The following CPZ variants were observed in gnomAD, a reference collection of about 807,000 sequenced individuals.
The protein encoded by CPZ is carboxypeptidase Z.
CPZ carries 103 observed loss-of-function variants against 61.8 expected under a neutral mutation model. The observed-to-expected ratio is 1.67, with a 90% CI of 1.42 to 1.96. The LOEUF (loss-of-function observed/expected upper bound fraction) is 1.96, where lower values mean the gene tolerates loss of function less well. Among genes scored for constraint, CPZ ranks in the 30% most tolerant of loss-of-function variants. The probability of loss-of-function intolerance (pLI) is 0.00; values close to 1 mark genes in which losing one functional copy is unlikely to be tolerated. For synonymous variants in CPZ, 551 were observed against 373.7 expected (o/e 1.47, Z -5.47); for missense variants, 1,461 against 914.9 (o/e 1.60, Z -7.70).
chr4:8,606,925 T>TC, intron 6 of CPZ, 27 bp downstream of exon 6: 1 of 1,569,820 alleles, frequency 6.4e-7, no homozygotes, highest in Non-Finnish European at 8.6e-7. Flanking sequence ...CCCATGCTGG[T>TC]CTCCACCAAG....
Position 8,619,527 on chromosome 4 carries a change from G to A in CPZ, c.1869G>A (p.Arg623=). The A allele has an allele frequency of 6.3e-7, 1 of 1,585,958 alleles. No homozygotes were observed. Among genetic ancestry groups the A allele is most frequent in the Middle Eastern group, 1.7e-4 (1 of 5,868 alleles). Residue 623 remains arginine (R), a synonymous_variant, in exon 11 of 11, where the codon AGG becomes AGA. Coordinates refer to ENST00000360986, the MANE Select transcript of CPZ (RefSeq NM_001014447.3). The stretch of plus-strand genomic sequence containing the variant: ...AGCCCGACCCGCTCCGGGCGCGCAG[G>A]CAGCCCTCGGCCGACGGGAGTAAGC... ...ATEPDPLRAR[R]QPSADGSKPW... is the part of the protein sequence containing the mutation.
chr4:8,608,782 C>T (rs979006763), intron 7 of CPZ, among the ~76,000 whole-genome samples: 20 of 152,124 alleles, frequency 1.3e-4, no homozygotes, highest in African/African-American at 4.8e-4. Flanking sequence ...TTTCCAGCTG[C>T]AGGGCAGGGA....
At chr4:8,609,028 T>TTCACTTACCCATTCAC (rs1560297579) in intron 7 of CPZ, among the ~76,000 whole-genome samples, 2 of 106,576 alleles carry the variant, frequency 1.9e-5, no homozygotes, top group African/African-American at 5.4e-5. Flanking sequence ...AACTCACTCC[T>TTCACTTACCCATTCAC]TCACTCACCC....
At chr4:8,609,371 A>ATTCACTCACTCTTATTCT (rs1282809003) in intron 7 of CPZ, among the ~76,000 whole-genome samples, 3 of 151,630 alleles carry the variant, frequency 2.0e-5, no homozygotes, top group Non-Finnish European at 4.4e-5. Context: ...TCACAAACTC[A>ATTCACTCACTCTTATTCT]TTCACTCACT....
In CPZ at chr4:8,592,939, C is replaced by A; in HGVS notation, c.88+18C>A. ...CCCCGCCGGTAAGGCCGTCCCCTGCCCCCACCCTCCACCCTCCACCCTGCA... is the reference window on the plus strand; with the variant it reads ...CCCCGCCGGTAAGGCCGTCCCCTGCACCCACCCTCCACCCTCCACCCTGCA... On this transcript the variant is annotated intron_variant, in intron 1 of 10. Coordinates refer to ENST00000360986, the MANE Select transcript of CPZ (RefSeq NM_001014447.3). 1.3e-6 allele frequency: 2 copies of A among 1,515,320 alleles called. No homozygotes were observed. The highest frequency in any genetic ancestry group is 1.4e-5 in the African/African-American group (1 of 72,226). 93.9% of individuals were successfully genotyped at this position (1,515,320 alleles called of 1,614,324 possible).
At chr4:8,609,411 G>A (rs192338960) in intron 7 of CPZ, among the ~76,000 whole-genome samples, 8 of 146,472 alleles carry the variant, frequency 5.5e-5, no homozygotes, top group South Asian at 2.1e-4. Context: ...GTTTATTCCC[G>A]CACTCCTTCC....
At chr4:8,609,072 C>CGTACT (rs113012911) in intron 7 of CPZ, among the ~76,000 whole-genome samples, 1 of 112,338 alleles carries the variant, frequency 8.9e-6, no homozygotes, top group African/African-American at 3.3e-5. Flanking sequence ...CCCTCACTCA[C>CGTACT]CACTCATACA....
intron 7 of CPZ, 84 bp from the exon 8 acceptor site, chr4:8,611,943 C>A (rs530719909): frequency 2.5e-6 from 4 of 1,594,094 alleles, no homozygotes; most frequent in Non-Finnish European, 3.4e-6. Context: ...TGTTTGCACG[C>A]GCAGCTCCTC....
intron 2 of CPZ, among the ~76,000 whole-genome samples, chr4:8,600,649 G>A (rs141323794): frequency 1.3e-3 from 191 of 152,324 alleles, no homozygotes; most frequent in African/African-American, 4.5e-3. Context: ...CGGCTGAGCC[G>A]CATCTGTCAT....
At chr4:8,595,758 G>C (rs1025419521) in intron 1 of CPZ, among the ~76,000 whole-genome samples, 2 of 152,230 alleles carry the variant, frequency 1.3e-5, no homozygotes, top group African/African-American at 4.8e-5. Context: ...TGGAAACAAG[G>C]TCTTTGTGGA....
At chr4:8,619,126 A>G in intron 10 of CPZ, 136 bp from the exon 11 acceptor site, 2 of 703,196 alleles carry the variant, frequency 2.8e-6, no homozygotes, top group Admixed American at 3.1e-5. Flanking sequence ...AGGACGTTCC[A>G]GGCCCACACA....
At chr4:8,596,762 G>A (rs1714213055) in intron 1 of CPZ, among the ~76,000 whole-genome samples, 2 of 152,214 alleles carry the variant, frequency 1.3e-5, no homozygotes, top group South Asian at 4.1e-4. Flanking sequence ...GCCACAGGAA[G>A]CCAGGAAGGA....
At chr4:8,594,330 C>T (rs1714021816) in intron 1 of CPZ, among the ~76,000 whole-genome samples, 1 of 152,230 alleles carries the variant, frequency 6.6e-6, no homozygotes, top group Non-Finnish European at 1.5e-5. Flanking sequence ...CCTGTCTCGC[C>T]ATCTGGGTCT....
At chr4:8,597,644 A>C (rs1014546660) in intron 1 of CPZ, 24 of 152,212 alleles carry the variant, frequency 1.6e-4, no homozygotes, top group African/African-American at 5.8e-4. Flanking sequence ...CCCCACTCCC[A>C]GGTGCTTTAG....
chr4:8,593,875 T>C (rs1713978919), intron 1 of CPZ, among the ~76,000 whole-genome samples: 1 of 152,178 alleles, frequency 6.6e-6, no homozygotes, highest in Admixed American at 6.5e-5. Context: ...GGCTCTTTTC[T>C]ACCCGCTGCG....
intron 4 of CPZ, among the ~76,000 whole-genome samples, chr4:8,604,541 G>A (rs1415952979): frequency 6.6e-6 from 1 of 152,196 alleles, no homozygotes; most frequent in Non-Finnish European, 1.5e-5. Context: ...GAGTGCAGTG[G>A]CACGATCTCG....
intron 7 of CPZ, 114 bp downstream of exon 7, chr4:8,607,539 C>T: frequency 7.8e-7 from 1 of 1,286,220 alleles, no homozygotes; most frequent in South Asian, 1.5e-5. Context: ...GGAACCTCTA[C>T]TCAGAGCGGG....
At chr4:8,614,316 T>C (rs1300237637) in intron 8 of CPZ, 43 bp from the exon 9 acceptor site, 1 of 1,592,924 alleles carries the variant, frequency 6.3e-7, no homozygotes, top group Non-Finnish European at 8.5e-7. Context: ...GCTGTCTCTG[T>C]GCGGCTGACA....
chr4:8,614,416 G>A lies in CPZ; in HGVS notation c.1421G>A (p.Gly474Asp). The A allele has an allele frequency of 3.1e-6, 5 of 1,614,058 alleles. No individual in the cohort carries two copies. Among genetic ancestry groups the A allele is most frequent in the Non-Finnish European group, 4.2e-6 (5 of 1,179,960 alleles). Residue 474 changes from glycine (G) to aspartate (D), a missense_variant, in exon 9 of 11, where the codon GGC becomes GAC. Physicochemically the swap from Gly to Asp is moderately conservative, Grantham distance 94 (BLOSUM62 -1). Transcript: ENST00000360986. ...TGCTTTGAGATCACGGTAGAGCTGG[G>A]CTGTGTGAAGTTCCCCCCCGAGGAG... Reference protein sequence around the residue: ...TNCFEITVELGCVKFPPEEAL... With the variant: ...TNCFEITVELDCVKFPPEEAL...
Sources: allele counts gnomAD v4.1 joint callset (sites outside exome capture counted in the v4.1 genomes callset), GRCh38; gene constraint gnomAD v4.1.1; transcripts MANE v1.5; gene names NCBI Gene and HGNC (gene_info 2026-07-23, HGNC 2026-07-21).